The following CREBBP variants were observed in gnomAD, a reference collection of about 807,000 sequenced individuals.
CREBBP encodes CREB binding lysine acetyltransferase.
CREBBP carries 19 observed loss-of-function variants against 265.0 expected under a neutral mutation model. That is an observed-to-expected ratio of 0.07 (90% confidence interval 0.05 to 0.11). The LOEUF is 0.11. Among genes scored for constraint, CREBBP ranks in the 10% least tolerant of loss-of-function variants. The pLI is 1.00. For missense variants in CREBBP, 2,525 were observed against 3,219.0 expected (o/e 0.78, Z 5.22); for synonymous variants, 1,457 against 1,223.7 (o/e 1.19, Z -3.98).
intron 2 of CREBBP, among the ~76,000 whole-genome samples, chr16:3,837,433 T>C (rs985948016): frequency 3.9e-5 from 6 of 151,970 alleles, no homozygotes; most frequent in African/African-American, 1.5e-4. Flanking sequence ...CTGGGCAACA[T>C]GGTAAAACCT....
chr16:3,862,987 A>C (rs61615949), intron 1 of CREBBP, among the ~76,000 whole-genome samples: 4,871 of 152,266 alleles, frequency 0.032, 270 homozygotes, highest in African/African-American at 0.11. Context: ...TTTAACATGG[A>C]AACATGATGA....
chr16:3,849,450 T>TGTG lies in CREBBP; in HGVS notation c.798+844_798+846dup, dbSNP rs1567360753. ...GTGTGTGTGTGTGTGTGTGTGTGTGTGTGTGTGTGTGTGTGTGTGTGTGTG... is the reference window on the plus strand; with the variant it reads ...GTGTGTGTGTGTGTGTGTGTGTGTGTGTGGTGTGTGTGTGTGTGTGTGTGTGTG... On this transcript the variant is annotated intron_variant, in intron 2 of 30. Coordinates refer to ENST00000262367, the MANE Select transcript of CREBBP (RefSeq NM_004380.3). 4.9e-4 allele frequency among the ~76,000 whole-genome samples: 33 copies of TGTG among 66,772 alleles called. 2 individuals carry two copies. Among genetic ancestry groups the TGTG allele is most frequent in the African/African-American group, 5.3e-4 (12 of 22,634 alleles). The allele number at this position is 66,772 out of a possible 152,430, so 43.8% of individuals were successfully genotyped here. A position where few individuals can be genotyped will look rare whatever the true frequency, so the allele number is the denominator to read the frequency against.
At chr16:3,811,275 T>C (rs1567331878) in intron 2 of CREBBP, among the ~76,000 whole-genome samples, 1 of 152,142 alleles carries the variant, frequency 6.6e-6, no homozygotes, top group African/African-American at 2.4e-5. Flanking sequence ...ACCTGACCCA[T>C]GACCAACATG....
intron 1 of CREBBP, among the ~76,000 whole-genome samples, chr16:3,871,823 G>A (rs112410319): frequency 9.2e-5 from 14 of 152,174 alleles, no homozygotes; most frequent in African/African-American, 2.4e-4. Flanking sequence ...ATGCAAATTC[G>A]AAAGGTTGAA....
chr16:3,735,858 A>T (rs542982496), intron 28 of CREBBP, among the ~76,000 whole-genome samples, 178 bp downstream of exon 28: 2 of 151,556 alleles, frequency 1.3e-5, no homozygotes, highest in East Asian at 2.0e-4. Context: ...CTGTGCAGAG[A>T]GTGCAGAGCC....
At chr16:3,839,889 A>T (rs1358008038) in intron 2 of CREBBP, among the ~76,000 whole-genome samples, 3 of 152,214 alleles carry the variant, frequency 2.0e-5, no homozygotes, top group East Asian at 3.9e-4. Flanking sequence ...AAGAAAAGAA[A>T]AAAGAAATTC....
At chr16:3,869,960 A>G (rs2055260506) in intron 1 of CREBBP, among the ~76,000 whole-genome samples, 1 of 152,234 alleles carries the variant, frequency 6.6e-6, no homozygotes, top group Admixed American at 6.5e-5. Flanking sequence ...TGTGCTCTTC[A>G]AACAAAAACC....
intron 13 of CREBBP, chr16:3,773,489 C>G (rs1330879888): frequency 4.1e-6 from 2 of 493,206 alleles, no homozygotes; most frequent in African/African-American, 3.9e-5. Context: ...ACTCAAAGAT[C>G]AAAACACAAA....
chr16:3,740,612 A>G (rs2052180251), intron 23 of CREBBP, 63 bp from the exon 24 acceptor site: 1 of 1,591,448 alleles, frequency 6.3e-7, no homozygotes, highest in South Asian at 1.1e-5. Flanking sequence ...AGTGACTGAG[A>G]CTAGAGAATC....
chr16:3,832,651 A>T (rs2054365822), intron 2 of CREBBP, among the ~76,000 whole-genome samples: 1 of 152,222 alleles, frequency 6.6e-6, no homozygotes, highest in Non-Finnish European at 1.5e-5. Flanking sequence ...TGTGTATCTA[A>T]ACATAGAAAA....
intron 3 of CREBBP, among the ~76,000 whole-genome samples, chr16:3,808,226 GA>G (rs2053869914): frequency 6.6e-6 from 1 of 152,170 alleles, no homozygotes; most frequent in African/African-American, 2.4e-5. Context: ...CAGATGTCTG[GA>G]AGACAAGCAA....
intron 11 of CREBBP, 98 bp from the exon 12 acceptor site, chr16:3,774,791 G>A (rs947350764): frequency 6.8e-6 from 10 of 1,467,764 alleles, no homozygotes; most frequent in Middle Eastern, 1.7e-4. Flanking sequence ...AAGATGGAAC[G>A]CACAGGCAAC....
At position 3,745,291 on chromosome 16, in the gene CREBBP, G is replaced by A. The variant is rs129974; in HGVS notation, c.3900C>T (p.Ile1300=). 6.2e-7 allele frequency: 1 copy of A among 1,613,894 alleles called. No homozygotes were observed. The highest frequency in any genetic ancestry group is 8.5e-7 in the Non-Finnish European group (1 of 1,179,906). The change falls in exon 22 of 31, where the codon ATC becomes ATT. Residue 1300 remains isoleucine (I), a synonymous_variant. Transcript: ENST00000262367. ...AAACAACTCACCCTGAAGGCCAAAT[G>A]ATGTCATAGTGCAGAACGCAAATCT... The part of the protein sequence containing the change: ...MHQICVLHYD[I]IWPSGFVCDN...
chr16:3,840,208 A>G (rs1326183428), intron 2 of CREBBP, among the ~76,000 whole-genome samples: 4 of 152,198 alleles, frequency 2.6e-5, no homozygotes, highest in African/African-American at 9.7e-5. Context: ...TCACGTGAAA[A>G]AGTGAAAAGC....
At chr16:3,773,380 C>A (rs1363846506) in intron 13 of CREBBP, among the ~76,000 whole-genome samples, 3 of 152,200 alleles carry the variant, frequency 2.0e-5, no homozygotes, top group South Asian at 2.1e-4. Context: ...AGAGTGAATT[C>A]ATGGGTCCTT....
chr16:3,785,458 G>C (rs532916479), intron 5 of CREBBP, among the ~76,000 whole-genome samples: 2 of 152,354 alleles, frequency 1.3e-5, no homozygotes, highest in South Asian at 4.1e-4. Flanking sequence ...GGGAAAATCA[G>C]GCTCATGTCA....
rs552721681 is a variant in CREBBP at position 3,848,455 on chromosome 16, T to A, written c.798+1842A>T. ...TTCTCTCCCAAGAACACAGTAGATC[T>A]AGTTTTCTAGTTACTTTGTGATGTG... On this transcript the variant is annotated intron_variant, in intron 2 of 30. Transcript: ENST00000262367. 3.3e-5 allele frequency among the ~76,000 whole-genome samples: 5 copies of A among 152,342 alleles called. No individual in the cohort carries two copies. The East Asian group carries it at 7.7e-4, about 23-fold the overall frequency.
At chr16:3,871,007 G>T (rs2055282033) in intron 1 of CREBBP, among the ~76,000 whole-genome samples, 2 of 148,384 alleles carry the variant, frequency 1.3e-5, no homozygotes, top group Non-Finnish European at 3.0e-5. Context: ...GTAATGTAAA[G>T]AAGGGGAGGG....
rs2151308165 is a variant in CREBBP at position 3,729,248 on chromosome 16, C to T, written c.5799G>A (p.Val1933=). The T allele has an allele frequency of 6.5e-7, 1 of 1,528,366 alleles. No homozygotes were observed. Among genetic ancestry groups the T allele is most frequent in the South Asian group, 1.2e-5 (1 of 83,348 alleles). The allele number at this position is 1,528,366 out of a possible 1,614,324, so 94.7% of individuals were successfully genotyped here. The change falls in exon 31 of 31, where the codon GTG becomes GTA. Residue 1933 remains valine (V), a synonymous_variant. Coordinates refer to ENST00000262367, the MANE Select transcript of CREBBP (RefSeq NM_004380.3). ...SVARTQPPTT[V]STGKPTSQVP... ...CCTGGCTGGTAGGCTTCCCTGTGGA[C>T]ACCGTGGTGGGGGGCTGAGTCCGGG...
Sources: gnomAD v4.1 joint callset for allele counts (sites outside exome capture counted in the v4.1 genomes callset) on GRCh38, gnomAD v4.1.1 for gene constraint, MANE v1.5 for transcripts, NCBI Gene and HGNC (gene_info 2026-07-23, HGNC 2026-07-21) for gene names.